The following OPCML variants were observed in gnomAD, a reference collection of about 807,000 sequenced individuals.
OPCML encodes the protein opioid-binding protein/cell adhesion molecule.
A neutral mutation model predicts 37.8 loss-of-function variants in OPCML; 13 were observed. That is an observed-to-expected ratio of 0.34 (90% CI 0.22 to 0.55). The LOEUF (loss-of-function observed/expected upper bound fraction) is 0.55. OPCML is among the 20% of genes least tolerant of loss of function. OPCML has a pLI of 0.91. For missense variants in OPCML, 341 were observed against 435.6 expected (o/e 0.78, Z 1.93); for synonymous variants, 176 against 168.8 (o/e 1.04, Z -0.33).
intron 4 of OPCML, among the ~76,000 whole-genome samples, chr11:132,482,599 TG>T (rs2096184899): frequency 6.6e-6 from 1 of 152,126 alleles, no homozygotes; most frequent in African/African-American, 2.4e-5. Context: ...ATACCAAAGC[TG>T]GGCAGAGACA....
rs1950308985 is a variant in OPCML at position 133,173,037 on chromosome 11, A to G, written c.62-230027T>C. Among the ~76,000 whole-genome samples the G allele has an allele frequency of 6.6e-6, 1 of 152,262 alleles. No individual in the cohort carries two copies. Among genetic ancestry groups the G allele is most frequent in the African/African-American group, 2.4e-5 (1 of 41,478 alleles). The stretch of plus-strand genomic sequence containing the variant: ...AAGTTACATGGCTTAATAATCAAAC[A>G]TCACTTGGACAATTCTGAACCAAAG... On this transcript the variant is annotated intron_variant, in intron 1 of 7. Transcript: ENST00000524381. This position sits in a 1 kb window ranked among gnomAD's most constrained non-coding sequence, Gnocchi z 7.8.
intron 4 of OPCML, among the ~76,000 whole-genome samples, chr11:132,443,490 C>A (rs1002244276): frequency 6.6e-6 from 1 of 152,170 alleles, no homozygotes; most frequent in Non-Finnish European, 1.5e-5. Flanking sequence ...ACTGAATTTG[C>A]AAAGTTGGAA....
intron 1 of OPCML, among the ~76,000 whole-genome samples, chr11:133,350,236 G>A (rs915361166): frequency 1.2e-4 from 19 of 152,216 alleles, no homozygotes; most frequent in African/African-American, 3.6e-4. Context: ...TAATTTAAGT[G>A]CCACTGGGAT....
At chr11:133,244,300 G>A (rs1012471084) in intron 1 of OPCML, among the ~76,000 whole-genome samples, 3 of 152,050 alleles carry the variant, frequency 2.0e-5, no homozygotes, top group African/African-American at 7.2e-5. Flanking sequence ...GACATACCTC[G>A]AAGGGCTGAG....
chr11:132,711,761 G>T (rs538711058), intron 2 of OPCML, among the ~76,000 whole-genome samples: 28 of 152,280 alleles, frequency 1.8e-4, no homozygotes, highest in Admixed American at 1.8e-3. Context: ...CATATATGGT[G>T]CATATGTATA....
chr11:133,387,818 C>A (rs913942878), intron 1 of OPCML, among the ~76,000 whole-genome samples: 6 of 152,156 alleles, frequency 3.9e-5, no homozygotes, highest in African/African-American at 1.4e-4. Context: ...ACTAAAGATG[C>A]AGAGGAGGGA....
chr11:133,037,169 A>G (rs1394888823), intron 1 of OPCML, among the ~76,000 whole-genome samples: 2 of 152,224 alleles, frequency 1.3e-5, no homozygotes, highest in African/African-American at 4.8e-5. Flanking sequence ...GAAAATGAAC[A>G]CTATGAAAAG....
At chr11:133,426,226 T>C (rs1163352983) in intron 1 of OPCML, among the ~76,000 whole-genome samples, 1 of 152,178 alleles carries the variant, frequency 6.6e-6, no homozygotes. Context: ...TCAGACCAGA[T>C]AAGGTTCTTA....
intron 2 of OPCML, among the ~76,000 whole-genome samples, chr11:132,827,202 C>A (rs768556493): frequency 6.6e-6 from 1 of 152,104 alleles, no homozygotes; most frequent in East Asian, 1.9e-4. Flanking sequence ...GATACAAAAA[C>A]TACTCTCAAA....
intron 1 of OPCML, chr11:133,004,301 G>T: frequency 1.0e-6 from 1 of 985,482 alleles, no homozygotes; most frequent in Non-Finnish European, 1.2e-6. Context: ...TGCTGTAGCT[G>T]TAATTTAATT....
At chr11:133,420,829 T>C in intron 1 of OPCML, 1 of 985,400 alleles carries the variant, frequency 1.0e-6, no homozygotes. Flanking sequence ...CATCGGGAGA[T>C]TTCATGCCAA....
chr11:133,432,651 C>T (rs1008542855), intron 1 of OPCML, among the ~76,000 whole-genome samples: 8 of 152,146 alleles, frequency 5.3e-5, no homozygotes, highest in South Asian at 4.1e-4. Flanking sequence ...TCTGGAACTT[C>T]AATTAGGCAT....
intron 2 of OPCML, among the ~76,000 whole-genome samples, chr11:132,774,184 TAGA>T (rs1946737905): frequency 1.3e-5 from 2 of 152,186 alleles, no homozygotes; most frequent in Admixed American, 1.3e-4. Context: ...AGGCAGCTCC[TAGA>T]AGGTTATCTG....
chr11:133,182,792 G>A (rs549746620), intron 1 of OPCML, among the ~76,000 whole-genome samples: 7 of 152,170 alleles, frequency 4.6e-5, no homozygotes, highest in East Asian at 1.9e-4. Context: ...GCCCAGGAAC[G>A]CGGTGGTGCT....
chr11:132,750,391 A>G (rs937236837), intron 2 of OPCML, among the ~76,000 whole-genome samples: 9 of 152,232 alleles, frequency 5.9e-5, no homozygotes, highest in Non-Finnish European at 1.3e-4. Context: ...CAACCACAGG[A>G]GGCAGGAAAC....
intron 1 of OPCML, among the ~76,000 whole-genome samples, chr11:133,417,106 G>A (rs1945785250): frequency 6.6e-6 from 1 of 152,240 alleles, no homozygotes; most frequent in South Asian, 2.1e-4. Context: ...CTATCAATCT[G>A]GTCTGTTCAT....
chr11:133,298,437 G>A (rs1942686058), intron 1 of OPCML: 1 of 152,050 alleles, frequency 6.6e-6, no homozygotes, highest in African/African-American at 2.4e-5. Flanking sequence ...AAAAGTACCT[G>A]GCATGTAGAA....
chr11:133,152,615 G>C (rs1270971412), intron 1 of OPCML, among the ~76,000 whole-genome samples: 4 of 151,348 alleles, frequency 2.6e-5, no homozygotes, highest in African/African-American at 9.8e-5. Context: ...CTCTTTTCCT[G>C]GTGCAGAGAC....
At chr11:132,771,203 A>G (rs1329648625) in intron 2 of OPCML, among the ~76,000 whole-genome samples, 4 of 152,232 alleles carry the variant, frequency 2.6e-5, no homozygotes, top group Non-Finnish European at 5.9e-5. Context: ...GGGTCTTGGG[A>G]GCCATCCACC....
Sources: gnomAD v4.1 joint callset for allele counts (sites outside exome capture counted in the v4.1 genomes callset) on GRCh38, gnomAD v4.1.1 for gene constraint, Gnocchi (gnomAD v3.1) non-coding constraint, MANE v1.5 for transcripts, NCBI Gene and HGNC (gene_info 2026-07-23, HGNC 2026-07-21) for gene names.